ADGRA3: variants seen among roughly 807,000 people sequenced by gnomAD.
ADGRA3 encodes the protein G-protein coupled receptor 125.
ADGRA3 carries 56 observed loss-of-function variants against 119.8 expected under a neutral mutation model. The ratio of observed to expected loss-of-function variants is 0.47; its 90% CI spans 0.38 to 0.58. The LOEUF (loss-of-function observed/expected upper bound fraction) is 0.58, where lower values mean the gene tolerates loss of function less well. Among genes scored for constraint, ADGRA3 ranks in the 20% least tolerant of loss-of-function variants. ADGRA3 has a pLI of 0.00. For missense variants in ADGRA3, 1,516 were observed against 1,649.0 expected, an observed-to-expected ratio of 0.92 and a Z score of 1.40; for synonymous variants, 607 against 623.8, an observed-to-expected ratio of 0.97 and a Z score of 0.40.
intron 7 of ADGRA3, among the ~76,000 whole-genome samples, chr4:22,441,532 T>C (rs1161299668): frequency 6.6e-6 from 1 of 152,166 alleles, no homozygotes; most frequent in African/African-American, 2.4e-5. Context: ...TTTAAAAATA[T>C]AAATAACATT....
intron 6 of ADGRA3, 168 bp from the exon 7 acceptor site, chr4:22,443,031 A>G (rs1284593590): frequency 5.9e-6 from 4 of 680,872 alleles, no homozygotes. Context: ...TTTAGTGATA[A>G]CAGATTAAAA....
In ADGRA3 at chr4:22,515,577, G is replaced by A. The variant is rs1189623947; in HGVS notation, c.208C>T (p.Leu70Phe). ...EGKVVCSSLE[L>F]AQVLPPDTLP... is the part of the protein sequence containing the mutation. ...GTATCTGGGGGCAGGACCTGCGCGA[G>A]TTCCAGGCTGCTGCACACCACCTTG... The change falls in exon 1 of 19, where the codon CTC becomes TTC. Residue 70 changes from leucine to phenylalanine, a missense_variant. By Grantham distance (22) the Leu-to-Phe change is conservative (BLOSUM62 0). Around this residue, in one of 2 missense-constraint regions of ADGRA3, gnomAD observed 428 missense variants for 541.9 expected, o/e 0.79. Coordinates refer to ENST00000334304, the MANE Select transcript of ADGRA3 (RefSeq NM_145290.4). 1 of 1,602,422 alleles carries A rather than the reference G, an allele frequency of 6.2e-7. No homozygotes were observed. The highest frequency in any genetic ancestry group is 1.4e-5 in the African/African-American group (1 of 73,996).
chr4:22,448,185 T>G (rs1011640360), intron 4 of ADGRA3, among the ~76,000 whole-genome samples: 1 of 152,166 alleles, frequency 6.6e-6, no homozygotes, highest in Admixed American at 6.5e-5. Context: ...CCGAATTATT[T>G]CTTTCATACC....
chr4:22,509,730 G>A (rs2109186275), intron 1 of ADGRA3, among the ~76,000 whole-genome samples: 1 of 152,006 alleles, frequency 6.6e-6, no homozygotes, highest in Admixed American at 6.5e-5. Context: ...AAATGACTTG[G>A]CCGGGCGCGG....
At chr4:22,495,015 CTAAA>C (rs1381721536) in intron 1 of ADGRA3, among the ~76,000 whole-genome samples, 2 of 151,902 alleles carry the variant, frequency 1.3e-5, no homozygotes, top group Non-Finnish European at 2.9e-5. Context: ...AAAACAATAA[CTAAA>C]TAACAAAATA....
At chr4:22,491,876 A>G (rs892555443) in intron 1 of ADGRA3, among the ~76,000 whole-genome samples, 1 of 152,172 alleles carries the variant, frequency 6.6e-6, no homozygotes, top group African/African-American at 2.4e-5. Context: ...TCTTTAACAC[A>G]CTGGTCAACT....
chr4:22,455,703 G>C lies in ADGRA3; in HGVS notation c.402-766C>G. On this transcript the variant is annotated intron_variant, in intron 3 of 18. Transcript: ENST00000334304. The stretch of plus-strand genomic sequence containing the variant: ...CTTTATTTACTTTGCTTGACATCAA[G>C]GACAATGAACACAATTTTATTTTTA... 1.6e-5 allele frequency: 9 copies of C among 564,732 alleles called. 1 individual carries two copies. In the South Asian group the frequency reaches 1.8e-4, roughly 11 times the overall value. 35.0% of individuals were successfully genotyped at this position (564,732 alleles called of 1,614,324 possible).
At chr4:22,473,495 T>C (rs1717928282) in intron 2 of ADGRA3, among the ~76,000 whole-genome samples, 2 of 152,218 alleles carry the variant, frequency 1.3e-5, no homozygotes, top group South Asian at 4.1e-4. Context: ...CAATACTCAT[T>C]GGCTTATTAT....
chr4:22,405,132 C>T (rs1267735867), intron 14 of ADGRA3, among the ~76,000 whole-genome samples: 1 of 152,042 alleles, frequency 6.6e-6, no homozygotes, highest in East Asian at 1.9e-4. Context: ...ATCCCATAGC[C>T]CTTGGCAGAA....
intron 10 of ADGRA3, among the ~76,000 whole-genome samples, chr4:22,425,687 A>T (rs1415853678): frequency 6.6e-6 from 1 of 152,168 alleles, no homozygotes; most frequent in Admixed American, 6.5e-5. Context: ...ATGTCTTTTG[A>T]TCATCCCAGA....
chr4:22,401,327 G>C, intron 16 of ADGRA3, 104 bp downstream of exon 16: 17 of 1,025,734 alleles, frequency 1.7e-5, no homozygotes, highest in Non-Finnish European at 2.3e-5. Context: ...ACTTTAATCA[G>C]TTAAAGAAAA....
chr4:22,499,103 C>T (rs1340982730), intron 1 of ADGRA3, among the ~76,000 whole-genome samples: 1 of 152,144 alleles, frequency 6.6e-6, no homozygotes, highest in Non-Finnish European at 1.5e-5. Context: ...GTACAAGTAG[C>T]CCCAATGCCC....
At chr4:22,447,413 A>AG in intron 5 of ADGRA3, 27 bp downstream of exon 5, 1 of 1,354,610 alleles carries the variant, frequency 7.4e-7, no homozygotes, top group South Asian at 1.4e-5. Flanking sequence ...ATCAAAAAAA[A>AG]AAAGAGAGAA....
At chr4:22,424,082 G>A (rs1472484744) in intron 11 of ADGRA3, 109 bp downstream of exon 11, 5 of 732,694 alleles carry the variant, frequency 6.8e-6, no homozygotes, top group Middle Eastern at 4.4e-4. Context: ...ATAATCAGCA[G>A]TAAGAGAAGA....
At chr4:22,503,336 T>G (rs1719115090) in intron 1 of ADGRA3, among the ~76,000 whole-genome samples, 1 of 152,232 alleles carries the variant, frequency 6.6e-6, no homozygotes, top group Non-Finnish European at 1.5e-5. Context: ...TCAATCTCTC[T>G]TTGCCTTTCT....
At chr4:22,414,198 T>C (rs1715338694) in intron 12 of ADGRA3, 1 of 209,020 alleles carries the variant, frequency 4.8e-6, no homozygotes, top group Admixed American at 5.4e-5. Context: ...AAATGTAGCA[T>C]ATCATAAATA....
intron 17 of ADGRA3, among the ~76,000 whole-genome samples, chr4:22,389,523 G>A: frequency 6.6e-6 from 1 of 151,154 alleles, no homozygotes; most frequent in Non-Finnish European, 1.5e-5. Context: ...TTTGTAGCAG[G>A]AACTGGCTTC....
chr4:22,509,576 T>C (rs184283601), intron 1 of ADGRA3, among the ~76,000 whole-genome samples: 212 of 151,414 alleles, frequency 1.4e-3, no homozygotes, highest in African/African-American at 4.8e-3. Context: ...CCTTCCCCCG[T>C]AGGTAGGGAT....
intron 7 of ADGRA3, among the ~76,000 whole-genome samples, chr4:22,439,470 A>C (rs1275321759): frequency 6.6e-6 from 1 of 152,228 alleles, no homozygotes; most frequent in Admixed American, 6.6e-5. Flanking sequence ...AATGATAAGA[A>C]ATAATTAGAC....
Sources: gnomAD v4.1 joint callset for allele counts (sites outside exome capture counted in the v4.1 genomes callset) on GRCh38, gnomAD v4.1.1 for gene constraint, gnomAD v4.1.1 regional missense constraint, MANE v1.5 for transcripts, NCBI Gene and HGNC (gene_info 2026-07-23, HGNC 2026-07-21) for gene names.